CEBPZ: variants seen among roughly 807,000 people sequenced by gnomAD.
CEBPZ encodes the protein CCAAT/enhancer-binding protein zeta.
In CEBPZ, 78 loss-of-function variants were observed where a neutral mutation model predicts 104.5. The ratio of observed to expected loss-of-function variants is 0.75; its 90% CI spans 0.62 to 0.90. The LOEUF (loss-of-function observed/expected upper bound fraction) is 0.90. CEBPZ is among the 40% of genes least tolerant of loss of function. The pLI is 0.00. For synonymous variants in CEBPZ, 470 were observed against 427.0 expected (o/e 1.10, Z -1.24); for missense variants, 1,439 against 1,233.5 (o/e 1.17, Z -2.50).
chr2:37,219,252 G>A (rs1175304984), intron 5 of CEBPZ, among the ~76,000 whole-genome samples: 1 of 152,160 alleles, frequency 6.6e-6, no homozygotes, highest in Non-Finnish European at 1.5e-5. Context: ...CTTGAGACAC[G>A]TGACAACCTT....
At chr2:37,220,835 T>C (rs1370590351) in intron 4 of CEBPZ, among the ~76,000 whole-genome samples, 1 of 151,690 alleles carries the variant, frequency 6.6e-6, no homozygotes, top group Non-Finnish European at 1.5e-5. Flanking sequence ...TTACAAAAAA[T>C]ACAACAAAAA....
intron 2 of CEBPZ, 39 bp downstream of exon 2, chr2:37,227,500 CAAGTT>C: frequency 6.5e-7 from 1 of 1,540,746 alleles, no homozygotes. Context: ...TGTACTACAT[CAAGTT>C]ATTATTTCAT....
Position 37,228,281 on chromosome 2 carries a change from C to T in CEBPZ, c.912G>A (p.Leu304=), listed in dbSNP as rs759132394. Residue 304 remains leucine (L), a synonymous_variant, in exon 2 of 16, where the codon CTG becomes CTA. Transcript: ENST00000234170. ...CAAAAGGACGCTGGCTGAAAATCCT[C>T]AGCTTCCGATTGTCTGGCAAAAGGT... ...ITDLLPDNRK[L]RIFSQRPFDK... 5.6e-6 allele frequency: 9 copies of T among 1,614,074 alleles called. No individual in the cohort carries two copies. Among genetic ancestry groups the T allele is most frequent in the Non-Finnish European group, 7.6e-6 (9 of 1,180,042 alleles).
At chr2:37,219,932 C>T (rs1334650558) in intron 5 of CEBPZ, among the ~76,000 whole-genome samples, 1 of 152,168 alleles carries the variant, frequency 6.6e-6, no homozygotes, top group Non-Finnish European at 1.5e-5. Flanking sequence ...CACATAGTAT[C>T]TTCCCCCAAA....
intron 15 of CEBPZ, 79 bp from the exon 16 acceptor site, chr2:37,201,982 A>T: frequency 7.2e-7 from 1 of 1,395,040 alleles, no homozygotes; most frequent in South Asian, 1.4e-5. Context: ...CTGCTGAGTC[A>T]CAGGAACTTC....
At chr2:37,219,921 T>C (rs2148357396) in intron 5 of CEBPZ, among the ~76,000 whole-genome samples, 1 of 152,326 alleles carries the variant, frequency 6.6e-6, no homozygotes, top group Non-Finnish European at 1.5e-5. Context: ...AATGAACACT[T>C]CACATAGTAT....
intron 4 of CEBPZ, among the ~76,000 whole-genome samples, chr2:37,221,898 A>G (rs1357958029): frequency 6.6e-6 from 1 of 152,172 alleles, no homozygotes; most frequent in Non-Finnish European, 1.5e-5. Context: ...ACATTCTATT[A>G]ATAGACTTTT....
At position 37,201,902 on chromosome 2, in the gene CEBPZ, A is replaced by C; in HGVS notation, c.3027T>G (p.Ser1009Arg). The C allele has an allele frequency of 6.2e-7, 1 of 1,611,100 alleles. No homozygotes were observed. The highest frequency in any genetic ancestry group is 8.5e-7 in the Non-Finnish European group (1 of 1,179,376). The change falls in exon 16 of 16, where the codon AGT becomes AGG. Residue 1009 changes from serine (S) to arginine (R), a missense_variant and splice_region_variant. Transcript: ENST00000234170. ...MNAMANKDNA[S>R]LKQLRWEAER... is the part of the protein sequence containing the mutation. ...CAGCCTCCCATCTAAGCTGTTTGAG[A>C]CCTTTGAGAGAAGAAGAAAAGATGA... is the stretch of plus-strand genomic sequence containing the variant.
chr2:37,225,047 CA>C (rs2148361038), intron 2 of CEBPZ, among the ~76,000 whole-genome samples: 1 of 147,220 alleles, frequency 6.8e-6, no homozygotes, highest in South Asian at 2.1e-4. Context: ...TCAAAACAAA[CA>C]AACAAACAAA....
rs1278407427 is a variant in CEBPZ, at chr2:37,228,042, A to G, written c.1151T>C (p.Leu384Pro). 1.2e-6 allele frequency: 2 copies of G among 1,614,180 alleles called. No homozygotes were observed. Among genetic ancestry groups the G allele is most frequent in the Non-Finnish European group, 1.7e-6 (2 of 1,180,000 alleles). ...CNKPEEEKAL[L>P]VQVVNKLGDP... ...TCCCAGTTTATTTACCACTTGCACAAGAAGAGCCTTTTCTTCCTCAGGCTT... is the reference window on the plus strand; with the variant it reads ...TCCCAGTTTATTTACCACTTGCACAGGAAGAGCCTTTTCTTCCTCAGGCTT... The change falls in exon 2 of 16, where the codon CTT becomes CCT. Residue 384 changes from leucine to proline, a missense_variant. Physicochemically the swap from Leu to Pro is moderately conservative, Grantham distance 98 (BLOSUM62 -3). Transcript: ENST00000234170.
At chr2:37,205,327 A>G (rs1016988959) in intron 13 of CEBPZ, among the ~76,000 whole-genome samples, 1 of 152,062 alleles carries the variant, frequency 6.6e-6, no homozygotes. Context: ...TCCACCACAA[A>G]AGAAGTGAAA....
In CEBPZ at chr2:37,201,649, C is replaced by A; in HGVS notation, c.*115G>T. ...AGCTATTTTTATTTATAGTTTATTA[C>A]AAATCCACTGAGAAGTCTGGAATGT... On this transcript the variant is annotated 3_prime_UTR_variant, in exon 16 of 16. Coordinates refer to ENST00000234170, the MANE Select transcript of CEBPZ (RefSeq NM_005760.3). The A allele has an allele frequency of 2.7e-6, 2 of 741,638 alleles. No individual in the cohort carries two copies. Among genetic ancestry groups the A allele is most frequent in the Non-Finnish European group, 4.8e-6 (2 of 415,444 alleles). The allele number at this position is 741,638 out of a possible 1,614,324, so 45.9% of individuals were successfully genotyped here.
At position 37,217,018 on chromosome 2, in the gene CEBPZ, G is replaced by A; in HGVS notation, c.2174C>T (p.Pro725Leu). The part of the protein sequence containing the change: ...ELKKLSVHFH[P>L]SVALFAKTIL... The stretch of plus-strand genomic sequence containing the variant: ...GGTCTTTGCAAAAAGGGCCACGGAG[G>A]GATGAAAATGCACAGATAACTAAAA... The change falls in exon 6 of 16, where the codon CCC becomes CTC. Residue 725 changes from proline (P) to leucine (L), a missense_variant. Transcript: ENST00000234170. 1 of 1,612,722 alleles carries A rather than the reference G, an allele frequency of 6.2e-7. No individual in the cohort carries two copies. Among genetic ancestry groups the A allele is most frequent in the African/African-American group, 1.3e-5 (1 of 74,966 alleles).
intron 13 of CEBPZ, among the ~76,000 whole-genome samples, chr2:37,207,778 G>T (rs1677587817): frequency 6.6e-6 from 1 of 152,040 alleles, no homozygotes; most frequent in Non-Finnish European, 1.5e-5. Flanking sequence ...CTCAAACCCA[G>T]CAGAAGAAAA....
rs540202691 is a variant in CEBPZ at position 37,220,252 on chromosome 2, C to T, written c.2154+133G>A. The T allele has an allele frequency of 8.8e-5, 22 of 248,646 alleles. 1 individual carries two copies. In the East Asian group the frequency reaches 1.5e-3, roughly 17 times the overall value. The allele number at this position is 248,646 out of a possible 1,614,324, so 15.4% of individuals were successfully genotyped here. On this transcript the variant is annotated intron_variant, in intron 5 of 15. Transcript: ENST00000234170. ...GAATGGCTTGAACCCGGAAGGCGGACGTTACAGTGAGCCACAATCATGCCA... is the reference window on the plus strand; with the variant it reads ...GAATGGCTTGAACCCGGAAGGCGGATGTTACAGTGAGCCACAATCATGCCA...
intron 13 of CEBPZ, chr2:37,210,066 C>T (rs2148345936): frequency 6.6e-6 from 1 of 152,224 alleles, no homozygotes; most frequent in East Asian, 1.9e-4. Context: ...AAATCAAAGC[C>T]ACAGTGCAAT....
At position 37,228,298 on chromosome 2, in the gene CEBPZ, G is replaced by T. The variant is rs758724415; in HGVS notation, c.895C>A (p.Pro299Thr). The T allele has an allele frequency of 3.1e-6, 5 of 1,614,028 alleles. No homozygotes were observed. In the African/African-American group the frequency reaches 6.7e-5, roughly 22 times the overall value. ...AAAATCCTCAGCTTCCGATTGTCTGGCAAAAGGTCTGTGATAAGCAACTCT... is the reference window on the plus strand; with the variant it reads ...AAAATCCTCAGCTTCCGATTGTCTGTCAAAAGGTCTGTGATAAGCAACTCT... ...FKELLITDLLPDNRKLRIFSQ... is the reference protein window; with the variant it reads ...FKELLITDLLTDNRKLRIFSQ... The change falls in exon 2 of 16, where the codon CCA (proline) becomes ACA (threonine). Residue 299 changes from proline to threonine, a missense_variant. Pro to Thr is a conservative substitution (Grantham distance 38, BLOSUM62 -1). Transcript: ENST00000234170.
At position 37,227,607 on chromosome 2, in the gene CEBPZ, A is replaced by T; in HGVS notation, c.1586T>A (p.Leu529Ter). The change falls in exon 2 of 16, where the codon TTG becomes TAG. Residue 529 changes from leucine to a stop codon, truncating the protein, a stop_gained. Transcript: ENST00000234170. LOFTEE classifies it high-confidence loss of function. The part of the protein sequence containing the change: ...NFNTSVQALM[L>*]LFQVMNSQQT... ...CTGAGAATTCATTACTTGGAAAAGCAACATTAAAGCCTGGACACTGGTATT... is the reference window on the plus strand; with the variant it reads ...CTGAGAATTCATTACTTGGAAAAGCTACATTAAAGCCTGGACACTGGTATT... 6.2e-7 allele frequency: 1 copy of T among 1,613,998 alleles called. No homozygotes were observed. The highest frequency in any genetic ancestry group is 2.2e-5 in the East Asian group (1 of 44,878).
At position 37,228,425 on chromosome 2, in the gene CEBPZ, C is replaced by T. The variant is rs1664944684; in HGVS notation, c.768G>A (p.Gln256=). 6.2e-7 allele frequency: 1 copy of T among 1,614,230 alleles called. No individual in the cohort carries two copies. Among genetic ancestry groups the T allele is most frequent in the Non-Finnish European group, 8.5e-7 (1 of 1,180,042 alleles). The change falls in exon 2 of 16, where the codon CAG becomes CAA. Residue 256 remains glutamine, a synonymous_variant. Coordinates refer to ENST00000234170, the MANE Select transcript of CEBPZ (RefSeq NM_005760.3). ...DRMAAMILLI[Q]DDAVHTLQFV... ...ACTGAAGTGTGTGAACGGCATCATC[C>T]TGAATAAGAAGAATCATGGCTGCCA...
Sources: allele counts gnomAD v4.1 joint callset (sites outside exome capture counted in the v4.1 genomes callset), GRCh38; gene constraint gnomAD v4.1.1; transcripts MANE v1.5; gene names NCBI Gene and HGNC (gene_info 2026-07-23, HGNC 2026-07-21).